PLEKHG5: variants seen among roughly 807,000 people sequenced by gnomAD.
PLEKHG5 encodes the protein pleckstrin homology domain-containing family G member 5.
A neutral mutation model predicts 103.8 loss-of-function variants in PLEKHG5; 52 were observed. The observed-to-expected ratio is 0.50, with a 90% CI of 0.40 to 0.63. The LOEUF (loss-of-function observed/expected upper bound fraction) is 0.63. Ranked by LOEUF, PLEKHG5 falls within the 30% of genes least tolerant of loss-of-function variation. The pLI, the probability that PLEKHG5 is intolerant of heterozygous loss-of-function variation, is 0.00. For synonymous variants in PLEKHG5, 592 were observed against 575.5 expected, an observed-to-expected ratio of 1.03 and a Z score of -0.41; for missense variants, 1,205 against 1,347.6, an observed-to-expected ratio of 0.89 and a Z score of 1.66.
chr1:6,516,869 TATATATATATATATATACAC>T (rs1157751521), intron 1 of PLEKHG5, among the ~76,000 whole-genome samples: 1 of 17,132 alleles, frequency 5.8e-5, no homozygotes, highest in African/African-American at 8.5e-5. Context: ...TATATGTGTA[TATATATATATATATATACAC>T]ATATATATAT....
At chr1:6,492,230 A>G (rs547558684), upstream of PLEKHG5, among the ~76,000 whole-genome samples, 27 of 151,770 alleles carry the variant, frequency 1.8e-4, no homozygotes, top group African/African-American at 6.0e-4. Flanking sequence ...TGGAATCACT[A>G]CCTCCTCCAT....
rs1477117573 is a variant in PLEKHG5, at chr1:6,475,285, C to T, written c.211-147G>A. On this transcript the variant is annotated intron_variant, in intron 4 of 20. Coordinates refer to ENST00000377728, the MANE Select transcript of PLEKHG5 (RefSeq NM_020631.6). Reference sequence around the variant, plus strand: ...CCTTCCCAACCCTCCTCCCCACCCTCCCCACCCTCCGGTCTCGGATGGGAA... The same window carrying T: ...CCTTCCCAACCCTCCTCCCCACCCTTCCCACCCTCCGGTCTCGGATGGGAA... 12 of 672,920 alleles carry T rather than the reference C, an allele frequency of 1.8e-5. No homozygotes were observed. In the Admixed American group the frequency reaches 2.5e-4, roughly 14 times the overall value. 41.7% of individuals were successfully genotyped at this position (672,920 alleles called of 1,614,324 possible). A position where few individuals can be genotyped will look rare whatever the true frequency, so the allele number is the denominator to read the frequency against.
chr1:6,485,791 G>C, intron 1 of PLEKHG5: 9 of 677,392 alleles, frequency 1.3e-5, no homozygotes, highest in Non-Finnish European at 1.6e-5. Flanking sequence ...CCCAGTCCCC[G>C]GGACCCCCAC....
chr1:6,514,945 T>A (rs1056141478), intron 1 of PLEKHG5, among the ~76,000 whole-genome samples: 2 of 151,838 alleles, frequency 1.3e-5, no homozygotes, highest in African/African-American at 4.8e-5. Flanking sequence ...TCCCAGTTAT[T>A]CAGGAGGCTG....
rs1276933854 is a variant in PLEKHG5 at position 6,505,653 on chromosome 1, G to T, written c.-164-9084C>A. ...ACCCACGTCCTGGGACCTGGAACGTGAATGTTCCAGAACATCTCATTACAC... is the reference window on the plus strand; with the variant it reads ...ACCCACGTCCTGGGACCTGGAACGTTAATGTTCCAGAACATCTCATTACAC... On this transcript the variant is annotated intron_variant, in intron 1 of 21. Coordinates refer to the PLEKHG5 transcript ENST00000377740. This position sits in a 1 kb window ranked among gnomAD's most constrained non-coding sequence, Gnocchi z 4.2. 6.6e-6 allele frequency among the ~76,000 whole-genome samples: 1 copy of T among 152,232 alleles called. No homozygotes were observed. Among genetic ancestry groups the T allele is most frequent in the African/African-American group, 2.4e-5 (1 of 41,448 alleles).
Position 6,473,398 on chromosome 1 carries a change from G to C in PLEKHG5, c.648C>G (p.Pro216=), listed in dbSNP as rs1030435109. Residue 216 remains proline, a synonymous_variant, in exon 8 of 21, where the codon CCC becomes CCG. Transcript: ENST00000377728. ...MSEFLGEASI[P]GQEPPTPSSC... is the part of the protein sequence containing the mutation. ...TGGAGGGCGTGGGGGGCTCCTGCCC[G>C]GGGATGCTCGCCTCCCCCAGGAACT... The C allele has an allele frequency of 2.6e-6, 4 of 1,544,790 alleles. No individual in the cohort carries two copies. The highest frequency in any genetic ancestry group is 1.7e-4 in the Middle Eastern group (1 of 5,840).
In PLEKHG5 at chr1:6,490,866, C is replaced by T. The variant is rs1214598131; in HGVS notation, c.-88+771G>A. Among the ~76,000 whole-genome samples, 2 of 152,134 alleles carry T rather than the reference C, an allele frequency of 1.3e-5. No individual in the cohort carries two copies. The highest frequency in any genetic ancestry group is 2.9e-5 in the Non-Finnish European group (2 of 68,024). On this transcript the variant is annotated intron_variant, in intron 1 of 20. Transcript: ENST00000377728. The surrounding 1 kb of genome is among the most constrained non-coding windows in gnomAD (Gnocchi z 8.0). ...CTGGTCATTAACTTGGGCTTGAAGA[C>T]GGGAGCTCGCCCATCCCGGAAGGGG...
At chr1:6,500,445 T>G (rs1645283764), upstream of PLEKHG5, among the ~76,000 whole-genome samples, 2 of 151,720 alleles carry the variant, frequency 1.3e-5, no homozygotes, top group Admixed American at 6.6e-5. Flanking sequence ...TAGCAACCCC[T>G]CTTATGTGGA....
chr1:6,481,550 A>C (rs950189626), intron 1 of PLEKHG5, among the ~76,000 whole-genome samples: 11 of 100,872 alleles, frequency 1.1e-4, no homozygotes, highest in Non-Finnish European at 1.8e-5. Flanking sequence ...TAAATAAATA[A>C]ATAAATAAAT....
intron 1 of PLEKHG5, among the ~76,000 whole-genome samples, chr1:6,513,920 C>T (rs1381230292): frequency 6.6e-6 from 1 of 152,242 alleles, no homozygotes; most frequent in African/African-American, 2.4e-5. Flanking sequence ...TGCAGGGCAG[C>T]TATGGGGTCT....
upstream of PLEKHG5, among the ~76,000 whole-genome samples, chr1:6,498,750 C>A (rs1314254045): frequency 6.6e-6 from 1 of 152,170 alleles, no homozygotes; most frequent in Non-Finnish European, 1.5e-5. Flanking sequence ...TCTCAGGATC[C>A]TCAGGCCCAG....
chr1:6,477,929 G>A (rs916608015), intron 1 of PLEKHG5, among the ~76,000 whole-genome samples: 8 of 152,046 alleles, frequency 5.3e-5, no homozygotes, highest in African/African-American at 1.9e-4. Context: ...CACCCAGACT[G>A]GAGTGCAATG....
intron 1 of PLEKHG5, chr1:6,485,234 A>G: frequency 1.2e-6 from 1 of 861,510 alleles, no homozygotes; most frequent in Non-Finnish European, 1.6e-6. Flanking sequence ...AGTCACGGGC[A>G]CCCCCTCCCT....
chr1:6,478,391 A>G (rs1199691576), intron 1 of PLEKHG5, among the ~76,000 whole-genome samples: 1 of 150,348 alleles, frequency 6.7e-6, no homozygotes, highest in Non-Finnish European at 1.5e-5. Flanking sequence ...CTGGTCTCAA[A>G]CTCCTGGCCT....
intron 1 of PLEKHG5, among the ~76,000 whole-genome samples, chr1:6,502,394 C>T (rs561342944): frequency 5.3e-5 from 8 of 152,378 alleles, no homozygotes; most frequent in East Asian, 3.9e-4. Context: ...CCAGAACCAC[C>T]GCTGGCGTAG....
intron 19 of PLEKHG5, among the ~76,000 whole-genome samples, chr1:6,468,839 C>G (rs1322342478): frequency 2.0e-5 from 3 of 152,210 alleles, no homozygotes; most frequent in Non-Finnish European, 4.4e-5. Context: ...CCCCAGGCAG[C>G]TACCACGAAT....
Position 6,473,147 on chromosome 1 carries a change from C to T in PLEKHG5, c.823G>A (p.Gly275Ser), listed in dbSNP as rs201267486. 84 of 1,613,766 alleles carry T rather than the reference C, an allele frequency of 5.2e-5. No homozygotes were observed. Among genetic ancestry groups the T allele is most frequent in the Non-Finnish European group, 7.1e-5 (84 of 1,179,964 alleles). Residue 275 changes from glycine (G) to serine (S), a missense_variant, in exon 9 of 21, where the codon GGC (glycine) becomes AGC (serine). Coordinates refer to ENST00000377728, the MANE Select transcript of PLEKHG5 (RefSeq NM_020631.6). Reference sequence around the variant, plus strand: ...AAGAGGCTGTAGGTGTGCAGCTTGCCCTCCAGCTGCTCCATCTTGTCTACC... The same window carrying T: ...AAGAGGCTGTAGGTGTGCAGCTTGCTCTCCAGCTGCTCCATCTTGTCTACC... ...REVDKMEQLE[G>S]KLHTYSLFGL...
intron 1 of PLEKHG5, among the ~76,000 whole-genome samples, chr1:6,483,864 C>G (rs969331411): frequency 1.3e-5 from 2 of 152,216 alleles, no homozygotes; most frequent in Non-Finnish European, 1.5e-5. Context: ...TTCCTGGGAG[C>G]CCCCCGTCTG....
Position 6,490,456 on chromosome 1 carries a change from A to G in PLEKHG5, c.-88+1181T>C, listed in dbSNP as rs1038743302. On this transcript the variant is annotated intron_variant, in intron 1 of 20. Coordinates refer to ENST00000377728, the MANE Select transcript of PLEKHG5 (RefSeq NM_020631.6). This position sits in a 1 kb window ranked among gnomAD's most constrained non-coding sequence, Gnocchi z 8.0. ...TCCCCGCGACTCACCTAGGAACAGG[A>G]CCAGGGTCTCCTCCCCGGTGTCTAA... The G allele has an allele frequency of 2.0e-6, 2 of 981,262 alleles. No individual in the cohort carries two copies. The highest frequency in any genetic ancestry group is 2.4e-6 in the Non-Finnish European group (2 of 829,812). 60.8% of individuals were successfully genotyped at this position (981,262 alleles called of 1,614,324 possible). A position where few individuals can be genotyped will look rare whatever the true frequency, so the allele number is the denominator to read the frequency against.
Sources: allele counts gnomAD v4.1 joint callset (sites outside exome capture counted in the v4.1 genomes callset), GRCh38; gene constraint gnomAD v4.1.1; non-coding constraint Gnocchi (gnomAD v3.1); transcripts MANE v1.5; gene names NCBI Gene and HGNC (gene_info 2026-07-23, HGNC 2026-07-21).